Variants in GNG7 observed in about 807,000 individuals in gnomAD.
GNG7 encodes guanine nucleotide-binding protein G(I)/G(S)/G(O) subunit gamma-7.
A neutral mutation model predicts 4.0 loss-of-function variants in GNG7; 1 was observed. That is an observed-to-expected ratio of 0.25 (90% CI 0.09 to 1.18). GNG7 has a LOEUF of 1.18. Ranked by LOEUF, GNG7 falls within the 50% of genes most tolerant of loss-of-function variation. The pLI is 0.50. For synonymous variants in GNG7, 34 were observed against 36.9 expected, an observed-to-expected ratio of 0.92 and a Z score of 0.29; for missense variants, 86 against 91.9, an observed-to-expected ratio of 0.94 and a Z score of 0.26.
intron 2 of GNG7, among the ~76,000 whole-genome samples, chr19:2,595,956 A>T (rs1212174382): frequency 6.6e-6 from 1 of 152,028 alleles, no homozygotes; most frequent in African/African-American, 2.4e-5. Flanking sequence ...TCTGTCCATC[A>T]ACGACCGAAT....
At chr19:2,543,980 A>G (rs1013136492) in intron 3 of GNG7, among the ~76,000 whole-genome samples, 8 of 151,912 alleles carry the variant, frequency 5.3e-5, no homozygotes, top group African/African-American at 7.2e-5. Context: ...GGGTCTGGCA[A>G]TCCCCCACCT....
chr19:2,576,598 G>A (rs899411860), intron 2 of GNG7, among the ~76,000 whole-genome samples: 4 of 152,124 alleles, frequency 2.6e-5, no homozygotes, highest in Non-Finnish European at 5.9e-5. Flanking sequence ...CCCAGGCTGA[G>A]TGCAGGGGTG....
chr19:2,696,346 GAAAAGAAAGA>G (rs1913260785), intron 1 of GNG7, among the ~76,000 whole-genome samples: 1 of 104,408 alleles, frequency 9.6e-6, no homozygotes, highest in African/African-American at 3.6e-5. Flanking sequence ...AAGAAAGAAA[GAAAAGAAAGA>G]AAAGAAAGAA....
At chr19:2,537,861 C>T (rs556156653) in intron 3 of GNG7, among the ~76,000 whole-genome samples, 15 of 152,058 alleles carry the variant, frequency 9.9e-5, no homozygotes, top group South Asian at 4.2e-4. Context: ...AGATCACTTG[C>T]GGTCAGGAGT....
chr19:2,647,273 C>T (rs970669298), intron 1 of GNG7, among the ~76,000 whole-genome samples: 6 of 152,212 alleles, frequency 3.9e-5, no homozygotes, highest in African/African-American at 1.4e-4. Context: ...TGCTGGGTCT[C>T]TGGGAGCCTC....
intron 1 of GNG7, among the ~76,000 whole-genome samples, chr19:2,700,527 T>G (rs1174140198): frequency 6.6e-6 from 1 of 152,060 alleles, no homozygotes; most frequent in Non-Finnish European, 1.5e-5. Flanking sequence ...TCCAGTCACT[T>G]CCTTTCCTCT....
At chr19:2,606,521 G>A (rs1599418327) in intron 2 of GNG7, among the ~76,000 whole-genome samples, 2 of 151,986 alleles carry the variant, frequency 1.3e-5, no homozygotes, top group South Asian at 4.1e-4. Flanking sequence ...TGGGTGTGGT[G>A]GTGCACGCCT....
In GNG7 at chr19:2,617,801, C is replaced by T. The variant is rs1170129558; in HGVS notation, c.-78+28423G>A. ...TGGTGCAGTCACAGCTCACCGCAACCTCAGCCTCCTGGGCTCAAGTGATCC... is the reference window on the plus strand; with the variant it reads ...TGGTGCAGTCACAGCTCACCGCAACTTCAGCCTCCTGGGCTCAAGTGATCC... On this transcript the variant is annotated intron_variant, in intron 2 of 4. Coordinates refer to ENST00000382159, the MANE Select transcript of GNG7 (RefSeq NM_052847.3). The surrounding 1 kb of genome is among the most constrained non-coding windows in gnomAD (Gnocchi z 4.7). 6.6e-6 allele frequency among the ~76,000 whole-genome samples: 1 copy of T among 151,934 alleles called. No individual in the cohort carries two copies. The highest frequency in any genetic ancestry group is 2.4e-5 in the African/African-American group (1 of 41,318).
rs1019273444 is a variant in GNG7 at position 2,626,039 on chromosome 19, C to T, written c.-78+20185G>A. 2.0e-4 allele frequency among the ~76,000 whole-genome samples: 31 copies of T among 152,242 alleles called. No individual in the cohort carries two copies. Among genetic ancestry groups the T allele is most frequent in the African/African-American group, 7.0e-4 (29 of 41,534 alleles). ...CTGACCTCAGGTGATCCACCCGCCT[C>T]GGCCTCCCAAAGTGCTGGGATGACA... On this transcript the variant is annotated intron_variant, in intron 2 of 4. Transcript: ENST00000382159. The surrounding 1 kb of genome is among the most constrained non-coding windows in gnomAD (Gnocchi z 5.0).
At chr19:2,565,062 C>T (rs942722230) in intron 2 of GNG7, among the ~76,000 whole-genome samples, 26 of 152,042 alleles carry the variant, frequency 1.7e-4, no homozygotes, top group African/African-American at 6.0e-4. Flanking sequence ...ATAAAATATC[C>T]GCTAAGCTTC....
rs554964712 is a variant in GNG7, at chr19:2,548,646, G to A, written c.-38+6503C>T. Among the ~76,000 whole-genome samples the A allele has an allele frequency of 1.2e-4, 18 of 151,584 alleles. No homozygotes were observed. In the South Asian group the frequency reaches 1.5e-3, roughly 12 times the overall value. On this transcript the variant is annotated intron_variant, in intron 3 of 4. Coordinates refer to ENST00000382159, the MANE Select transcript of GNG7 (RefSeq NM_052847.3). ...TCTACTAAAAATACAAAAATTAGCC[G>A]GGCCTGGTGGCGCTCGTCTGAAATT...
At chr19:2,573,364 C>T (rs890279228) in intron 2 of GNG7, among the ~76,000 whole-genome samples, 3 of 152,070 alleles carry the variant, frequency 2.0e-5, no homozygotes, top group Non-Finnish European at 4.4e-5. Flanking sequence ...ACCACAGTTC[C>T]GAGCCCACTC....
intron 3 of GNG7, among the ~76,000 whole-genome samples, chr19:2,532,540 A>G (rs35846476): frequency 0.034 from 5,231 of 152,260 alleles, 134 homozygotes; most frequent in Non-Finnish European, 0.055. Context: ...GGAGAGAGAG[A>G]ATGAAGCAGG....
chr19:2,585,838 T>G (rs1466245328), intron 2 of GNG7, among the ~76,000 whole-genome samples: 3 of 152,056 alleles, frequency 2.0e-5, no homozygotes, highest in Non-Finnish European at 4.4e-5. Flanking sequence ...GTAGCTGGGA[T>G]TACAGGCACC....
chr19:2,576,022 GACACACACACAGACAC>G lies in GNG7; in HGVS notation c.-77-20850_-77-20835del, dbSNP rs1568250121. Among the ~76,000 whole-genome samples the G allele has an allele frequency of 2.7e-5, 2 of 74,998 alleles. 1 individual carries two copies. Among genetic ancestry groups the G allele is most frequent in the Non-Finnish European group, 4.8e-5 (2 of 41,582 alleles). The allele number at this position is 74,998 out of a possible 152,430, so 49.2% of individuals were successfully genotyped here. A position where few individuals can be genotyped will look rare whatever the true frequency, so the allele number is the denominator to read the frequency against. ...ACACTCAGGTACACGCAGACATGCA[GACACACACACAGACAC>G]ACACAGACACATGCTCACACTCAGG... On this transcript the variant is annotated intron_variant, in intron 2 of 4. Coordinates refer to ENST00000382159, the MANE Select transcript of GNG7 (RefSeq NM_052847.3).
chr19:2,595,140 T>A (rs1980977156), intron 2 of GNG7: 1 of 149,346 alleles, frequency 6.7e-6, no homozygotes, highest in Admixed American at 6.6e-5. Flanking sequence ...AAATTTTTTT[T>A]TTTTTGAGAC....
At chr19:2,632,485 C>T (rs1054409890) in intron 2 of GNG7, 4 of 150,480 alleles carry the variant, frequency 2.7e-5, no homozygotes. Flanking sequence ...CACACACACA[C>T]ACACACACAC....
At chr19:2,642,781 A>G (rs1296580385) in intron 2 of GNG7, 1 of 456,768 alleles carries the variant, frequency 2.2e-6, no homozygotes, top group Admixed American at 2.3e-5. Context: ...GGCGTGAGCC[A>G]TGGCGCCCGG....
At chr19:2,632,495 C>T (rs892952981) in intron 2 of GNG7, 1 of 151,684 alleles carries the variant, frequency 6.6e-6, no homozygotes, top group African/African-American at 2.4e-5. Flanking sequence ...CACACACACA[C>T]ACACACACAC....
Sources: gnomAD v4.1 joint callset for allele counts (sites outside exome capture counted in the v4.1 genomes callset) on GRCh38, gnomAD v4.1.1 for gene constraint, Gnocchi (gnomAD v3.1) non-coding constraint, MANE v1.5 for transcripts, NCBI Gene and HGNC (gene_info 2026-07-23, HGNC 2026-07-21) for gene names.